Variants in CDK8 observed in about 807,000 individuals in gnomAD.
The protein encoded by CDK8 is cyclin dependent kinase 8, also known as cyclin-dependent kinase 8.
Under a neutral mutation model 71.5 loss-of-function variants are expected in CDK8, and 29 were observed. The observed-to-expected ratio is 0.41, with a 90% confidence interval of 0.30 to 0.55. The LOEUF (loss-of-function observed/expected upper bound fraction) is 0.55, where lower values mean the gene tolerates loss of function less well. Among genes scored for constraint, CDK8 ranks in the 20% least tolerant of loss-of-function variants. CDK8 has a pLI of 0.37. For synonymous variants in CDK8, 161 were observed against 192.1 expected, an observed-to-expected ratio of 0.84 and a Z score of 1.34; for missense variants, 288 against 572.6, an observed-to-expected ratio of 0.50 and a Z score of 5.07.
chr13:26,340,469 G>A (rs1044067549), intron 2 of CDK8, among the ~76,000 whole-genome samples: 2 of 152,034 alleles, frequency 1.3e-5, no homozygotes, highest in African/African-American at 4.8e-5. Context: ...AATTAAGTTT[G>A]TCTGTGAGTG....
At chr13:26,330,887 T>A (rs1244288582) in intron 1 of CDK8, among the ~76,000 whole-genome samples, 1 of 152,234 alleles carries the variant, frequency 6.6e-6, no homozygotes, top group African/African-American at 2.4e-5. Context: ...TTGTGAATAG[T>A]GCTGCCATAA....
Position 26,288,114 on chromosome 13 carries a change from C to T in CDK8, c.128+33345C>T, listed in dbSNP as rs1176271942. Among the ~76,000 whole-genome samples, 4 of 152,232 alleles carry T rather than the reference C, an allele frequency of 2.6e-5. No homozygotes were observed. The East Asian group carries it at 5.8e-4, about 22-fold the overall frequency. ...AGTAGCTGGGACTATAGGCACGTGC[C>T]ACCATGCCCGGCTAATTTTTTGTAT... On this transcript the variant is annotated intron_variant, in intron 1 of 12. Transcript: ENST00000381527.
intron 1 of CDK8, among the ~76,000 whole-genome samples, chr13:26,314,363 G>A (rs1040657771): frequency 6.6e-6 from 1 of 152,040 alleles, no homozygotes; most frequent in African/African-American, 2.4e-5. Flanking sequence ...TAAATTCTTT[G>A]CTTTTAGCTC....
intron 1 of CDK8, among the ~76,000 whole-genome samples, chr13:26,320,136 A>G (rs1874703927): frequency 6.6e-6 from 1 of 152,102 alleles, no homozygotes; most frequent in Non-Finnish European, 1.5e-5. Flanking sequence ...GTAGTGGCTC[A>G]TGCTTGTAAT....
intron 6 of CDK8, among the ~76,000 whole-genome samples, chr13:26,392,404 T>G (rs1182484070): frequency 1.4e-5 from 2 of 146,130 alleles, no homozygotes; most frequent in Admixed American, 1.4e-4. Context: ...CTCGGCTCAC[T>G]GCAGCCTCTG....
At chr13:26,260,902 A>G (rs11149435) in intron 1 of CDK8, among the ~76,000 whole-genome samples, 4,147 of 152,276 alleles carry the variant, frequency 0.027, 80 homozygotes, top group Admixed American at 0.039. Context: ...GCCTTTCACT[A>G]TTGAATCCAA....
intron 6 of CDK8, 41 bp from the exon 7 acceptor site, chr13:26,393,326 G>C (rs1241145974): frequency 7.8e-7 from 1 of 1,285,500 alleles, no homozygotes. Flanking sequence ...TTTTTTCCTT[G>C]CCTATTTTTC....
At position 26,379,264 on chromosome 13, in the gene CDK8, G is replaced by A. The variant is rs567459942; in HGVS notation, c.457-3550G>A. Among the ~76,000 whole-genome samples the A allele has an allele frequency of 7.2e-5, 11 of 152,252 alleles. 1 individual carries two copies. The South Asian group carries it at 2.3e-3, about 32-fold the overall frequency. On this transcript the variant is annotated intron_variant, in intron 4 of 12. Coordinates refer to ENST00000381527, the MANE Select transcript of CDK8 (RefSeq NM_001260.3). ...CTGAATTCACTAAAGAGAGAGTGTT[G>A]GGATAAAAGTGAGATGCTGGTAAGG...
chr13:26,360,720 T>G (rs1874098599), intron 4 of CDK8, among the ~76,000 whole-genome samples: 1 of 152,204 alleles, frequency 6.6e-6, no homozygotes, highest in South Asian at 2.1e-4. Context: ...TGAACTAGCT[T>G]ACTTGTAACA....
chr13:26,389,287 G>A (rs1469661605), intron 6 of CDK8, among the ~76,000 whole-genome samples: 1 of 152,118 alleles, frequency 6.6e-6, no homozygotes, highest in East Asian at 1.9e-4. Flanking sequence ...AGCCTCCCGA[G>A]TAGCTGGGGT....
chr13:26,366,364 G>T (rs1358605055), intron 4 of CDK8, among the ~76,000 whole-genome samples: 2 of 152,002 alleles, frequency 1.3e-5, no homozygotes, highest in Non-Finnish European at 2.9e-5. Flanking sequence ...AATTTTGTTT[G>T]AATCAACATA....
intron 1 of CDK8, among the ~76,000 whole-genome samples, chr13:26,276,145 G>A (rs1406010292): frequency 6.6e-6 from 1 of 152,228 alleles, no homozygotes; most frequent in Non-Finnish European, 1.5e-5. Flanking sequence ...ACAGGCGTGA[G>A]TAACCGGCTG....
chr13:26,339,756 A>AAATATATATATATATATATATATATAT (rs1555231154), intron 2 of CDK8, among the ~76,000 whole-genome samples: 1 of 142,996 alleles, frequency 7.0e-6, no homozygotes, highest in African/African-American at 2.6e-5. Flanking sequence ...TTAAAAAAAA[A>AAATATATATATATATATATATATATAT]ATATATATAT....
At chr13:26,387,527 A>G (rs571565403) in intron 6 of CDK8, among the ~76,000 whole-genome samples, 3 of 152,282 alleles carry the variant, frequency 2.0e-5, no homozygotes, top group Non-Finnish European at 4.4e-5. Flanking sequence ...GAGTCCTCCA[A>G]CTTTTGGCCC....
chr13:26,269,982 GA>G (rs1338661101), intron 1 of CDK8, among the ~76,000 whole-genome samples: 1 of 152,028 alleles, frequency 6.6e-6, no homozygotes, highest in Non-Finnish European at 1.5e-5. Context: ...TGTCTTCATG[GA>G]AAAATATTAG....
rs1876437477 is a variant in CDK8 at position 26,404,849 on chromosome 13, A to G, written c.*768A>G. 9.3e-6 allele frequency: 2 copies of G among 215,272 alleles called. No homozygotes were observed. Among genetic ancestry groups the G allele is most frequent in the South Asian group, 3.7e-4 (2 of 5,388 alleles). The allele number at this position is 215,272 out of a possible 1,614,324, so 13.3% of individuals were successfully genotyped here. On this transcript the variant is annotated 3_prime_UTR_variant, in exon 13 of 13. Coordinates refer to ENST00000381527, the MANE Select transcript of CDK8 (RefSeq NM_001260.3). ...ACAAACTAAAATGATTGTCATAGAC[A>G]GTGTTTTATTTTTCCTGTTGGTGTT...
intron 1 of CDK8, among the ~76,000 whole-genome samples, chr13:26,283,283 C>T (rs946656510): frequency 6.6e-6 from 1 of 152,176 alleles, no homozygotes; most frequent in African/African-American, 2.4e-5. Context: ...TAAGATAGAC[C>T]ATATGATAGG....
chr13:26,381,335 A>T (rs190977735), intron 4 of CDK8, among the ~76,000 whole-genome samples: 3 of 152,290 alleles, frequency 2.0e-5, no homozygotes. Context: ...CTAAGAGACC[A>T]CAGAGACTAA....
intron 2 of CDK8, among the ~76,000 whole-genome samples, chr13:26,345,659 A>G (rs1044998213): frequency 1.3e-5 from 2 of 152,224 alleles, no homozygotes; most frequent in African/African-American, 4.8e-5. Context: ...TTGGGATTAC[A>G]GGCGTGAGCC....
Sources: gnomAD v4.1 joint callset for allele counts (sites outside exome capture counted in the v4.1 genomes callset) on GRCh38, gnomAD v4.1.1 for gene constraint, MANE v1.5 for transcripts, NCBI Gene and HGNC (gene_info 2026-07-23, HGNC 2026-07-21) for gene names.